Variants in ROBO1 observed in about 807,000 individuals in gnomAD.
ROBO1 encodes the protein roundabout homolog 1.
Under a neutral mutation model 195.9 loss-of-function variants are expected in ROBO1, and 149 were observed. That is an observed-to-expected ratio of 0.76 (90% CI 0.67 to 0.87). ROBO1 has a LOEUF of 0.87. ROBO1 is among the 40% of genes least tolerant of loss of function. ROBO1 has a pLI of 0.00. For synonymous variants in ROBO1, 816 were observed against 733.2 expected, an observed-to-expected ratio of 1.11 and a Z score of -1.82; for missense variants, 1,933 against 2,068.3, an observed-to-expected ratio of 0.93 and a Z score of 1.27.
At chr3:79,084,045 A>C (rs1487655616) in intron 3 of ROBO1, among the ~76,000 whole-genome samples, 4 of 152,224 alleles carry the variant, frequency 2.6e-5, no homozygotes, top group Non-Finnish European at 5.9e-5. Context: ...GAAGAAAAAC[A>C]GAATGCCTTT....
At chr3:79,319,443 G>C (rs2033881205) in intron 2 of ROBO1, among the ~76,000 whole-genome samples, 1 of 152,068 alleles carries the variant, frequency 6.6e-6, no homozygotes, top group Admixed American at 6.5e-5. Context: ...GGAAACACTG[G>C]CTTAACAGAA....
chr3:79,374,111 G>A (rs2036297751), intron 2 of ROBO1, among the ~76,000 whole-genome samples: 1 of 152,130 alleles, frequency 6.6e-6, no homozygotes, highest in African/African-American at 2.4e-5. Context: ...AAAAAGTGGA[G>A]CAAAAGATAA....
At chr3:79,637,938 T>C (rs1945544716) in intron 1 of ROBO1, among the ~76,000 whole-genome samples, 1 of 152,158 alleles carries the variant, frequency 6.6e-6, no homozygotes, top group East Asian at 1.9e-4. Flanking sequence ...ATATGGATGG[T>C]TAGTATAAAG....
intron 3 of ROBO1, among the ~76,000 whole-genome samples, chr3:79,044,707 T>TA (rs1412987956): frequency 4.6e-5 from 7 of 151,908 alleles, no homozygotes; most frequent in Admixed American, 2.0e-4. Context: ...CAGCTTTTTT[T>TA]AAAAAAAAGT....
At chr3:79,700,929 A>G (rs1422708231) in intron 1 of ROBO1, among the ~76,000 whole-genome samples, 14 of 151,670 alleles carry the variant, frequency 9.2e-5, no homozygotes, top group Non-Finnish European at 2.1e-4. Flanking sequence ...GTGTTTCCTA[A>G]GTTTTCTGCT....
At chr3:79,090,861 T>A (rs902761746) in intron 3 of ROBO1, among the ~76,000 whole-genome samples, 1 of 152,212 alleles carries the variant, frequency 6.6e-6, no homozygotes, top group African/African-American at 2.4e-5. Flanking sequence ...TTCATAATAT[T>A]AGCTTTATCA....
chr3:78,873,002 A>G lies in ROBO1; in HGVS notation c.499+65599T>C, dbSNP rs1481190733. On this transcript the variant is annotated intron_variant, in intron 4 of 30. Coordinates refer to ENST00000464233, the MANE Select transcript of ROBO1 (RefSeq NM_002941.4). Reference sequence around the variant, plus strand: ...TAGTACATCATTTACAGTTAAGAAAAGGAAAAAATGCCTGGATTAAACAAG... The same window carrying G: ...TAGTACATCATTTACAGTTAAGAAAGGGAAAAAATGCCTGGATTAAACAAG... Among the ~76,000 whole-genome samples, 3 of 152,174 alleles carry G rather than the reference A, an allele frequency of 2.0e-5. No individual in the cohort carries two copies. In the East Asian group the frequency reaches 5.8e-4, roughly 29 times the overall value.
At chr3:79,646,184 C>CA (rs1945816612) in intron 1 of ROBO1, among the ~76,000 whole-genome samples, 1 of 151,890 alleles carries the variant, frequency 6.6e-6, no homozygotes, top group South Asian at 2.1e-4. Flanking sequence ...AACCAGAATA[C>CA]AAAAAGGGCT....
At chr3:78,998,160 C>G (rs527783143) in intron 3 of ROBO1, among the ~76,000 whole-genome samples, 9 of 152,254 alleles carry the variant, frequency 5.9e-5, no homozygotes, top group African/African-American at 2.2e-4. Context: ...ACGTACTTAT[C>G]AAAGAGTAAA....
chr3:79,314,553 T>A lies in ROBO1; in HGVS notation c.89-189014A>T, dbSNP rs150348777. Among the ~76,000 whole-genome samples the A allele has an allele frequency of 2.0e-5, 3 of 152,292 alleles. No homozygotes were observed. The East Asian group carries it at 5.8e-4, about 29-fold the overall frequency. On this transcript the variant is annotated intron_variant, in intron 2 of 30. Transcript: ENST00000464233. ...CTGCCCAGCCATGCTCAACTGTGAG[T>A]CAATTAAGCCTCTTTCCTTTATAAA...
At chr3:79,267,310 T>A (rs2030055173) in intron 2 of ROBO1, among the ~76,000 whole-genome samples, 1 of 151,554 alleles carries the variant, frequency 6.6e-6, no homozygotes, top group African/African-American at 2.4e-5. Flanking sequence ...TTGGGAGCTG[T>A]CTGAACTAAT....
At chr3:78,921,143 T>C (rs1015455721) in intron 4 of ROBO1, among the ~76,000 whole-genome samples, 1 of 152,228 alleles carries the variant, frequency 6.6e-6, no homozygotes, top group Non-Finnish European at 1.5e-5. Flanking sequence ...ATTGTTACAA[T>C]TAACATGATC....
At chr3:78,997,512 A>G (rs998507949) in intron 3 of ROBO1, among the ~76,000 whole-genome samples, 1 of 152,120 alleles carries the variant, frequency 6.6e-6, no homozygotes, top group Non-Finnish European at 1.5e-5. Flanking sequence ...TGTTCAATCA[A>G]TGCACTCAGA....
intron 3 of ROBO1, among the ~76,000 whole-genome samples, chr3:79,082,862 G>C (rs1051892970): frequency 2.0e-5 from 3 of 152,092 alleles, no homozygotes; most frequent in Non-Finnish European, 2.9e-5. Flanking sequence ...CAGGTTGATG[G>C]TGTGGAGGGA....
Position 78,883,244 on chromosome 3 carries a change from TA to T in ROBO1, c.499+55356del, listed in dbSNP as rs34278886. On this transcript the variant is annotated intron_variant, in intron 4 of 30. Coordinates refer to ENST00000464233, the MANE Select transcript of ROBO1 (RefSeq NM_002941.4). ...GTTTTAATTTTCTAATTTCTGTTGG[TA>T]AAAAAAAAAAAGTTATGTAGGTGGC... 6.2e-3 allele frequency among the ~76,000 whole-genome samples: 922 copies of T among 147,534 alleles called. 5 individuals are homozygous for T. Among genetic ancestry groups the T allele is most frequent in the Middle Eastern group, 0.042 (12 of 284 alleles).
chr3:78,762,141 A>T (rs560688471), intron 4 of ROBO1, among the ~76,000 whole-genome samples: 19 of 152,194 alleles, frequency 1.2e-4, no homozygotes, highest in African/African-American at 4.6e-4. Flanking sequence ...TTCATGACTA[A>T]ATTTACCTAA....
intron 2 of ROBO1, among the ~76,000 whole-genome samples, chr3:79,479,515 T>C (rs1000988327): frequency 6.6e-6 from 1 of 152,116 alleles, no homozygotes; most frequent in African/African-American, 2.4e-5. Context: ...AGCCCAAGGG[T>C]TGGAGAACCC....
chr3:78,785,566 TCTC>T (rs1022110442), intron 4 of ROBO1, among the ~76,000 whole-genome samples: 1 of 152,140 alleles, frequency 6.6e-6, no homozygotes, highest in African/African-American at 2.4e-5. Context: ...AGCAGACAAA[TCTC>T]CTTACAAATT....
At chr3:79,635,718 A>G (rs1945476515) in intron 1 of ROBO1, among the ~76,000 whole-genome samples, 1 of 152,100 alleles carries the variant, frequency 6.6e-6, no homozygotes, top group African/African-American at 2.4e-5. Flanking sequence ...TAGATGTTAA[A>G]CCATAAGGCA....
Sources: allele counts gnomAD v4.1 joint callset (sites outside exome capture counted in the v4.1 genomes callset), GRCh38; gene constraint gnomAD v4.1.1; transcripts MANE v1.5; gene names NCBI Gene and HGNC (gene_info 2026-07-23, HGNC 2026-07-21).